The following MS4A2 variants were observed in gnomAD, a reference collection of about 807,000 sequenced individuals.
MS4A2 encodes the protein membrane spanning 4-domains A2.
MS4A2 carries 26 observed loss-of-function variants against 27.9 expected under a neutral mutation model. That is an observed-to-expected ratio of 0.93 (90% CI 0.68 to 1.29). The LOEUF (loss-of-function observed/expected upper bound fraction) is 1.29, where lower values mean the gene tolerates loss of function less well. Ranked by LOEUF, MS4A2 falls within the 50% of genes most tolerant of loss-of-function variation. The probability of loss-of-function intolerance (pLI) is 0.00; values close to 1 mark genes in which losing one functional copy is unlikely to be tolerated. For missense variants in MS4A2, 284 were observed against 284.6 expected, an observed-to-expected ratio of 1.00 and a Z score of 0.01; for synonymous variants, 110 against 98.8, an observed-to-expected ratio of 1.11 and a Z score of -0.67.
At chr11:60,090,244 C>T in intron 2 of MS4A2, 92 bp from the exon 3 acceptor site, 1 of 1,264,508 alleles carries the variant, frequency 7.9e-7, no homozygotes, top group South Asian at 1.2e-5. Context: ...GACACTAACG[C>T]AGTTTCTCAT....
At chr11:60,094,898 C>A (rs1297438124) in intron 6 of MS4A2, among the ~76,000 whole-genome samples, 1 of 152,166 alleles carries the variant, frequency 6.6e-6, no homozygotes, top group Non-Finnish European at 1.5e-5. Context: ...ACCTGAGGTT[C>A]CAGATACTTG....
chr11:60,095,703 G>A lies in MS4A2; in HGVS notation c.*47G>A. Reference sequence around the variant, plus strand: ...CTGATTCACAGCCAAGGATCCAGAAGGCCAAGGTCTTGTTAAGGGGCTACT... The same window carrying A: ...CTGATTCACAGCCAAGGATCCAGAAAGCCAAGGTCTTGTTAAGGGGCTACT... On this transcript the variant is annotated 3_prime_UTR_variant, in exon 7 of 7. Coordinates refer to ENST00000278888, the MANE Select transcript of MS4A2 (RefSeq NM_000139.5). 1 of 1,335,180 alleles carries A rather than the reference G, an allele frequency of 7.5e-7. No homozygotes were observed. The highest frequency in any genetic ancestry group is 1.1e-6 in the Non-Finnish European group (1 of 926,474). The allele number at this position is 1,335,180 out of a possible 1,614,324, so 82.7% of individuals were successfully genotyped here.
At chr11:60,093,649 T>C (rs1421263151) in intron 5 of MS4A2, 91 bp downstream of exon 5, 1 of 1,497,408 alleles carries the variant, frequency 6.7e-7, no homozygotes, top group African/African-American at 1.4e-5. Context: ...ACACCATCCT[T>C]TTCTGTAACT....
Position 60,096,773 on chromosome 11 carries a change from G to C in MS4A2, c.*1117G>C, listed in dbSNP as rs569205758. ...GTGGTGGCAGTCACCTGTAGTCCCAGCTACTTGGGAGGCTGAGGCAGGAGA... is the reference window on the plus strand; with the variant it reads ...GTGGTGGCAGTCACCTGTAGTCCCACCTACTTGGGAGGCTGAGGCAGGAGA... On this transcript the variant is annotated 3_prime_UTR_variant, in exon 7 of 7. Coordinates refer to ENST00000278888, the MANE Select transcript of MS4A2 (RefSeq NM_000139.5). 1 of 151,326 alleles carries C rather than the reference G, an allele frequency of 6.6e-6. No individual in the cohort carries two copies. The highest frequency in any genetic ancestry group is 2.4e-5 in the African/African-American group (1 of 41,120). The allele number at this position is 151,326 out of a possible 1,614,324, so 9.4% of individuals were successfully genotyped here.
At chr11:60,089,919 G>A in intron 2 of MS4A2, 98 bp downstream of exon 2, 1 of 1,488,282 alleles carries the variant, frequency 6.7e-7, no homozygotes, top group Non-Finnish European at 9.1e-7. Flanking sequence ...TTCATGAGAG[G>A]TGTTAGGTCC....
chr11:60,093,603 A>C (rs1410076365), intron 5 of MS4A2, 45 bp downstream of exon 5: 1 of 1,609,518 alleles, frequency 6.2e-7, no homozygotes, highest in Non-Finnish European at 8.5e-7. Flanking sequence ...TCTGGGTCCT[A>C]ATGTAAGTAA....
chr11:60,090,383 T>G lies in MS4A2; in HGVS notation c.234T>G (p.Val78=). The change falls in exon 3 of 7, where the codon GTT becomes GTG. Residue 78 remains valine, a synonymous_variant. Coordinates refer to ENST00000278888, the MANE Select transcript of MS4A2 (RefSeq NM_000139.5). ...TAMICLCFGT[V]VCSVLDISHI... is the part of the protein sequence containing the mutation. ...TGATATGCCTTTGTTTTGGAACAGT[T>G]GTCTGCTCTGTACTTGATATTTCAC... is the stretch of plus-strand genomic sequence containing the variant. 6.2e-7 allele frequency: 1 copy of G among 1,613,546 alleles called. No individual in the cohort carries two copies.
intron 1 of MS4A2, 79 bp from the exon 2 acceptor site, chr11:60,089,613 T>C: frequency 2.5e-6 from 4 of 1,581,974 alleles, no homozygotes; most frequent in Non-Finnish European, 3.5e-6. Flanking sequence ...TAAACAAAAC[T>C]CCCCTTTCTG....
intron 1 of MS4A2, 68 bp downstream of exon 1, chr11:60,088,889 G>A: frequency 6.9e-7 from 1 of 1,459,176 alleles, no homozygotes; most frequent in East Asian, 2.4e-5. Context: ...TAGTCACGGT[G>A]CTTAGGAGAT....
Position 60,095,785 on chromosome 11 carries a change from G to A in MS4A2, c.*129G>A. The A allele has an allele frequency of 1.6e-5, 11 of 706,678 alleles. No individual in the cohort carries two copies. The South Asian group carries it at 1.7e-4, about 11-fold the overall frequency. 43.8% of individuals were successfully genotyped at this position (706,678 alleles called of 1,614,324 possible). ...GGTTTTACATTAGATTTATTCGCCT[G>A]ATAAGAATATTTTGTTTCTGCTGCT... On this transcript the variant is annotated 3_prime_UTR_variant, in exon 7 of 7. Coordinates refer to ENST00000278888, the MANE Select transcript of MS4A2 (RefSeq NM_000139.5).
chr11:60,090,428 T>C lies in MS4A2; in HGVS notation c.279T>C (p.Phe93=). The C allele has an allele frequency of 6.2e-7, 1 of 1,613,478 alleles. No homozygotes were observed. The highest frequency in any genetic ancestry group is 8.5e-7 in the Non-Finnish European group (1 of 1,179,880). Residue 93 remains phenylalanine (F), a synonymous_variant, in exon 3 of 7, where the codon TTT becomes TTC. Transcript: ENST00000278888. ...LDISHIEGDI[F]SSFKAGYPFW... ...TTTCACACATTGAGGGAGACATTTT[T>C]TCATCATTTAAAGCAGGTTATCCAT... is the stretch of plus-strand genomic sequence containing the variant.
chr11:60,091,214 C>T (rs1184021778), intron 3 of MS4A2, among the ~76,000 whole-genome samples: 1 of 151,976 alleles, frequency 6.6e-6, no homozygotes. Context: ...AAAGAGATTG[C>T]TGGGGTGAGA....
rs928962510 is a variant in MS4A2, at chr11:60,090,326, T to G, written c.187-10T>G. 1.9e-6 allele frequency: 3 copies of G among 1,611,940 alleles called. No homozygotes were observed. The highest frequency in any genetic ancestry group is 2.5e-6 in the Non-Finnish European group (3 of 1,179,786). ...TTTGATTTTCATGAAATTCATGTGT[T>G]TTTCTATAGGTAACACAAATTCTGA... On this transcript the variant is annotated splice_polypyrimidine_tract_variant and intron_variant, in intron 2 of 6. Transcript: ENST00000278888.
In MS4A2 at chr11:60,096,026, T is replaced by A. The variant is rs1005829654; in HGVS notation, c.*370T>A. 4.8e-5 allele frequency: 5 copies of A among 103,350 alleles called. No homozygotes were observed. The highest frequency in any genetic ancestry group is 7.0e-5 in the Non-Finnish European group (3 of 42,824). 6.4% of individuals were successfully genotyped at this position (103,350 alleles called of 1,614,324 possible). On this transcript the variant is annotated 3_prime_UTR_variant, in exon 7 of 7. Transcript: ENST00000278888. ...TTTGATAATATTTGGTTCTTAGGGT[T>A]TTTTTTTTTTTTTAGCATTCTTAAT... is the stretch of plus-strand genomic sequence containing the variant.
chr11:60,093,109 C>A (rs1031133555), intron 4 of MS4A2, among the ~76,000 whole-genome samples: 1 of 152,126 alleles, frequency 6.6e-6, no homozygotes, highest in Non-Finnish European at 1.5e-5. Context: ...GTCCTCACAC[C>A]GGCATTGTCC....
At position 60,095,806 on chromosome 11, in the gene MS4A2, C is replaced by G. The variant is rs1855859988; in HGVS notation, c.*150C>G. On this transcript the variant is annotated 3_prime_UTR_variant, in exon 7 of 7. Coordinates refer to ENST00000278888, the MANE Select transcript of MS4A2 (RefSeq NM_000139.5). ...GCCTGATAAGAATATTTTGTTTCTGCTGCTTCTGTCCACCTTAATATTCTC... is the reference window on the plus strand; with the variant it reads ...GCCTGATAAGAATATTTTGTTTCTGGTGCTTCTGTCCACCTTAATATTCTC... The G allele has an allele frequency of 1.5e-6, 1 of 676,736 alleles. No individual in the cohort carries two copies. Among genetic ancestry groups the G allele is most frequent in the Admixed American group, 2.2e-5 (1 of 45,512 alleles). 41.9% of individuals were successfully genotyped at this position (676,736 alleles called of 1,614,324 possible). A position where few individuals can be genotyped will look rare whatever the true frequency, so the allele number is the denominator to read the frequency against.
At position 60,093,390 on chromosome 11, in the gene MS4A2, T is replaced by A. The variant is rs1855803577; in HGVS notation, c.379-10T>A. ...CAGGCCCAGGTCTGAGTGTTCTTCA[T>A]TATTATCAGGTGAGAGGAAGCCTGG... On this transcript the variant is annotated splice_polypyrimidine_tract_variant and intron_variant, in intron 4 of 6. Transcript: ENST00000278888. 6.2e-7 allele frequency: 1 copy of A among 1,614,172 alleles called. No homozygotes were observed. The highest frequency in any genetic ancestry group is 1.1e-5 in the South Asian group (1 of 91,084).
chr11:60,091,606 G>A (rs1348144286), intron 3 of MS4A2, among the ~76,000 whole-genome samples: 1 of 152,102 alleles, frequency 6.6e-6, no homozygotes, highest in Non-Finnish European at 1.5e-5. Context: ...ATTTTTTAGA[G>A]CTTTATATAA....
rs1340268608 is a variant in MS4A2, at chr11:60,090,355, C to T, written c.206C>T (p.Ala69Val). Residue 69 changes from alanine to valine, a missense_variant, in exon 3 of 7, where the codon GCT becomes GTT. Physicochemically the swap from Ala to Val is moderately conservative, Grantham distance 64. Transcript: ENST00000278888. ...CTATAGGTAACACAAATTCTGACTG[C>T]TATGATATGCCTTTGTTTTGGAACA... ...EFLGVTQILT[A>V]MICLCFGTVV... The T allele has an allele frequency of 6.2e-7, 1 of 1,613,086 alleles. No homozygotes were observed. The highest frequency in any genetic ancestry group is 2.2e-5 in the East Asian group (1 of 44,818).
Sources: allele counts gnomAD v4.1 joint callset (sites outside exome capture counted in the v4.1 genomes callset), GRCh38; gene constraint gnomAD v4.1.1; transcripts MANE v1.5; gene names NCBI Gene and HGNC (gene_info 2026-07-23, HGNC 2026-07-21).